The following SYT1 variants were observed in gnomAD, a reference collection of about 807,000 sequenced individuals.
SYT1 encodes the protein synaptotagmin 1.
In SYT1, 8 loss-of-function variants were observed where a neutral mutation model predicts 44.8. The observed-to-expected ratio is 0.18, with a 90% confidence interval of 0.10 to 0.32. SYT1 has a LOEUF of 0.32. SYT1 is among the 10% of genes least tolerant of loss of function. SYT1 has a pLI of 1.00. For synonymous variants in SYT1, 154 were observed against 188.8 expected (o/e 0.82, Z 1.51); for missense variants, 286 against 509.3 (o/e 0.56, Z 4.22).
chr12:79,050,403 A>G (rs1874387839), intron 3 of SYT1, among the ~76,000 whole-genome samples: 1 of 151,968 alleles, frequency 6.6e-6, no homozygotes, highest in Non-Finnish European at 1.5e-5. Context: ...GCATAGTTCA[A>G]ACCCGTGTTG....
intron 4 of SYT1, among the ~76,000 whole-genome samples, chr12:79,277,210 G>T (rs868002417): frequency 3.9e-5 from 6 of 152,072 alleles, no homozygotes; most frequent in Non-Finnish European, 7.4e-5. Flanking sequence ...AAATCAATGT[G>T]AAGGAAAGAA....
Position 79,175,472 on chromosome 12 carries a change from A to G in SYT1, c.-17-42031A>G, listed in dbSNP as rs187185723. 1.7e-3 allele frequency among the ~76,000 whole-genome samples: 256 copies of G among 152,144 alleles called. 3 individuals carry two copies. Among genetic ancestry groups the G allele is most frequent in the African/African-American group, 5.9e-3 (244 of 41,546 alleles). ...ATAAATCTAGCTGCCATTAGCAAGG[A>G]CCCTTCTTAAAATTTTTATAAAAGC... On this transcript the variant is annotated intron_variant, in intron 3 of 10. Coordinates refer to ENST00000261205, the MANE Select transcript of SYT1 (RefSeq NM_005639.3).
chr12:79,164,848 G>A lies in SYT1; in HGVS notation c.-17-52655G>A, dbSNP rs539728242. ...GGAAATGGTGATGTAGACAGAACCC[G>A]GCGGATACCTAAATTTCTGTTGAGG... On this transcript the variant is annotated intron_variant, in intron 3 of 10. Transcript: ENST00000261205. 1.2e-4 allele frequency among the ~76,000 whole-genome samples: 19 copies of A among 152,064 alleles called. No individual in the cohort carries two copies. The East Asian group carries it at 2.9e-3, about 23-fold the overall frequency.
intron 1 of SYT1, among the ~76,000 whole-genome samples, chr12:78,967,202 T>C (rs1868270510): frequency 6.6e-6 from 1 of 152,104 alleles, no homozygotes; most frequent in Non-Finnish European, 1.5e-5. Flanking sequence ...TTTGTGCCCT[T>C]GAGGAATTAA....
Position 79,410,506 on chromosome 12 carries a change from CAAAAAAAAA to C in SYT1, c.929-33553_929-33545del, listed in dbSNP as rs5799432. On this transcript the variant is annotated intron_variant, in intron 9 of 10. Coordinates refer to ENST00000261205, the MANE Select transcript of SYT1 (RefSeq NM_005639.3). Reference sequence around the variant, plus strand: ...ACCATGGCTTCAGGCTGTTCAAAGTCAAAAAAAAAAAAAAAAAAAAAACAGAACGACAAT... The same window carrying C: ...ACCATGGCTTCAGGCTGTTCAAAGTCAAAAAAAAAAAAACAGAACGACAAT... Among the ~76,000 whole-genome samples, 83 of 75,922 alleles carry C rather than the reference CAAAAAAAAA, an allele frequency of 1.1e-3. 1 individual carries two copies. Among genetic ancestry groups the C allele is most frequent in the African/African-American group, 4.2e-3 (74 of 17,590 alleles). The allele number at this position is 75,922 out of a possible 152,430, so 49.8% of individuals were successfully genotyped here. A position where few individuals can be genotyped will look rare whatever the true frequency, so the allele number is the denominator to read the frequency against.
At chr12:79,159,047 A>G (rs1268586712) in intron 3 of SYT1, among the ~76,000 whole-genome samples, 1 of 152,186 alleles carries the variant, frequency 6.6e-6, no homozygotes, top group Non-Finnish European at 1.5e-5. Context: ...TGTCAGAGAA[A>G]TGAAGAAAGG....
intron 1 of SYT1, among the ~76,000 whole-genome samples, chr12:78,971,094 G>C (rs1192236471): frequency 6.6e-6 from 1 of 152,146 alleles, no homozygotes; most frequent in African/African-American, 2.4e-5. Flanking sequence ...AACCCAGGTG[G>C]TGGAGGTTGC....
At chr12:79,272,750 C>T (rs1878498208) in intron 4 of SYT1, among the ~76,000 whole-genome samples, 1 of 151,966 alleles carries the variant, frequency 6.6e-6, no homozygotes, top group Non-Finnish European at 1.5e-5. Context: ...TAAGTAGCAA[C>T]CACATTCAAG....
intron 9 of SYT1, among the ~76,000 whole-genome samples, chr12:79,373,951 AAG>A (rs1390933485): frequency 6.6e-6 from 1 of 152,188 alleles, no homozygotes; most frequent in Non-Finnish European, 1.5e-5. Context: ...TCATTTTGTG[AAG>A]AGTAGTTTGG....
chr12:79,057,321 A>G (rs1054872986), intron 3 of SYT1, among the ~76,000 whole-genome samples: 1 of 152,034 alleles, frequency 6.6e-6, no homozygotes, highest in Admixed American at 6.6e-5. Flanking sequence ...GCCTATGTTC[A>G]TGAATTTGTA....
chr12:79,055,614 T>C (rs1489506766), intron 3 of SYT1, among the ~76,000 whole-genome samples: 1 of 151,940 alleles, frequency 6.6e-6, no homozygotes, highest in East Asian at 1.9e-4. Context: ...ACTTACTACC[T>C]GTGTGTCAGC....
At chr12:79,115,019 ACCT>A (rs1279242817) in intron 3 of SYT1, among the ~76,000 whole-genome samples, 1 of 152,030 alleles carries the variant, frequency 6.6e-6, no homozygotes, top group Non-Finnish European at 1.5e-5. Context: ...TCCTGACCAG[ACCT>A]CTCCCACTCT....
chr12:79,253,095 G>A (rs1377404458), intron 4 of SYT1, among the ~76,000 whole-genome samples: 2 of 152,074 alleles, frequency 1.3e-5, no homozygotes, highest in South Asian at 2.1e-4. Context: ...CTTACTGTTA[G>A]TGCTAAATCT....
intron 1 of SYT1, among the ~76,000 whole-genome samples, chr12:78,944,599 AATAAAGTAAAAGAAT>A (rs1878558164): frequency 6.6e-6 from 1 of 152,172 alleles, no homozygotes. Context: ...TACTTCAATA[AATAAAGTAAAAGAAT>A]ATTGTGATCA....
intron 9 of SYT1, among the ~76,000 whole-genome samples, chr12:79,400,063 A>T (rs964464316): frequency 1.3e-5 from 2 of 152,218 alleles, no homozygotes; most frequent in Non-Finnish European, 2.9e-5. Context: ...AGCCAAGATG[A>T]CTGGAATATA....
intron 8 of SYT1, among the ~76,000 whole-genome samples, chr12:79,326,126 C>A (rs1881598867): frequency 6.6e-6 from 1 of 152,060 alleles, no homozygotes; most frequent in African/African-American, 2.4e-5. Flanking sequence ...TGAATTTTAG[C>A]ATAATTATTG....
chr12:79,316,642 G>A (rs185836179), intron 8 of SYT1, among the ~76,000 whole-genome samples: 1 of 152,284 alleles, frequency 6.6e-6, no homozygotes, highest in East Asian at 1.9e-4. Context: ...CCACGATGAT[G>A]CTCAGTACCA....
At chr12:79,408,311 A>T (rs1472447969) in intron 9 of SYT1, among the ~76,000 whole-genome samples, 2 of 152,152 alleles carry the variant, frequency 1.3e-5, no homozygotes, top group Admixed American at 1.3e-4. Flanking sequence ...AAATTGCTCA[A>T]ATTGAAGGCT....
chr12:78,965,417 G>A (rs1879717620), intron 1 of SYT1, among the ~76,000 whole-genome samples: 1 of 152,074 alleles, frequency 6.6e-6, no homozygotes, highest in East Asian at 1.9e-4. Flanking sequence ...TCTGTTTCCA[G>A]CTTCCTACTG....
Sources: gnomAD v4.1 joint callset for allele counts (sites outside exome capture counted in the v4.1 genomes callset) on GRCh38, gnomAD v4.1.1 for gene constraint, MANE v1.5 for transcripts, NCBI Gene and HGNC (gene_info 2026-07-23, HGNC 2026-07-21) for gene names.